Variants in SPATA1 observed in about 807,000 individuals in gnomAD.
The protein encoded by SPATA1 is spermatogenesis-associated protein 1.
In SPATA1, 57 loss-of-function variants were observed where a neutral mutation model predicts 59.6. The observed-to-expected ratio is 0.96, with a 90% confidence interval of 0.77 to 1.19. The LOEUF is 1.19. Ranked by LOEUF, SPATA1 falls within the 50% of genes most tolerant of loss-of-function variation. The pLI, the probability that SPATA1 is intolerant of heterozygous loss-of-function variation, is 0.00. For synonymous variants in SPATA1, 147 were observed against 163.9 expected (o/e 0.90, Z 0.79); for missense variants, 448 against 480.7 (o/e 0.93, Z 0.64).
At chr1:84,524,872 A>T (rs937358529) in intron 4 of SPATA1, among the ~76,000 whole-genome samples, 7 of 152,224 alleles carry the variant, frequency 4.6e-5, no homozygotes, top group Admixed American at 3.3e-4. Flanking sequence ...CCCAAGTAGA[A>T]TATAACCTCC....
intron 6 of SPATA1, among the ~76,000 whole-genome samples, chr1:84,526,620 AT>A (rs1462032131): frequency 6.6e-6 from 1 of 152,172 alleles, no homozygotes; most frequent in East Asian, 1.9e-4. Flanking sequence ...TGTAATAAGC[AT>A]TTTAGGAGGC....
At chr1:84,554,702 A>C, downstream of SPATA1, 1 of 241,930 alleles carries the variant, frequency 4.1e-6, no homozygotes, top group Non-Finnish European at 8.0e-6. Flanking sequence ...TACTATAATG[A>C]AGGGAAATAT....
intron 8 of SPATA1, among the ~76,000 whole-genome samples, chr1:84,539,443 G>T (rs942171915): frequency 6.6e-6 from 1 of 152,194 alleles, no homozygotes; most frequent in African/African-American, 2.4e-5. Flanking sequence ...AGGAATCCAA[G>T]ACATTTCCTG....
At chr1:84,507,066 T>A (rs1570369327) in intron 1 of SPATA1, 1 of 151,996 alleles carries the variant, frequency 6.6e-6, no homozygotes. Context: ...ACCAAAGGAG[T>A]TTTTAGGAGA....
At chr1:84,565,864 G>C (rs373529980) in exon 5 of SPATA1, 1 of 1,566,728 alleles carries the variant, frequency 6.4e-7, no homozygotes, top group African/African-American at 1.4e-5. Flanking sequence ...ATTATAGGGA[G>C]CATTGGCTGC....
intron 8 of SPATA1, among the ~76,000 whole-genome samples, chr1:84,534,239 T>G (rs1208863616): frequency 6.6e-6 from 1 of 152,032 alleles, no homozygotes; most frequent in Admixed American, 6.5e-5. Flanking sequence ...TGAACACTAT[T>G]CACATTACCA....
At chr1:84,548,902 C>G in exon 11 of SPATA1, 1 of 1,607,306 alleles carries the variant, frequency 6.2e-7, no homozygotes, top group Non-Finnish European at 8.5e-7. Context: ...ACTGCTCATG[C>G]AACTTGAAGC....
At position 84,511,676 on chromosome 1, in the gene SPATA1, TTTC is replaced by T. The variant is rs1682562086; in HGVS notation, c.-137-4544_-137-4542del. On this transcript the variant is annotated intron_variant, in intron 1 of 12. Coordinates refer to ENST00000490879, the Ensembl canonical transcript of SPATA1. ...CAGGCTTTTTTTTTTTTTTTCTTTC[TTTC>T]TTTTTTTTTTTTTTTTTTTGAGACA... Among the ~76,000 whole-genome samples the T allele has an allele frequency of 3.1e-5, 4 of 130,336 alleles. 1 individual carries two copies. The highest frequency in any genetic ancestry group is 9.5e-5 in the African/African-American group (3 of 31,566). The allele number at this position is 130,336 out of a possible 152,430, so 85.5% of individuals were successfully genotyped here.
intron 2 of SPATA1, among the ~76,000 whole-genome samples, chr1:84,517,589 A>G (rs1040956743): frequency 1.3e-5 from 2 of 152,098 alleles, no homozygotes; most frequent in Admixed American, 1.3e-4. Flanking sequence ...GGTGATGTCA[A>G]ATCTATCCTT....
intron 2 of SPATA1, among the ~76,000 whole-genome samples, chr1:84,517,365 C>T: frequency 6.6e-6 from 1 of 152,138 alleles, no homozygotes; most frequent in South Asian, 2.1e-4. Flanking sequence ...TCTAGTCTAA[C>T]AGATTTAAAT....
chr1:84,536,137 A>T (rs1327823999), intron 8 of SPATA1, among the ~76,000 whole-genome samples: 1 of 152,256 alleles, frequency 6.6e-6, no homozygotes. Context: ...TTGTTAATTC[A>T]TGCTAGTAGA....
At chr1:84,532,888 C>T in exon 7 of SPATA1, 4 of 1,551,644 alleles carry the variant, frequency 2.6e-6, no homozygotes, top group African/African-American at 1.4e-5. Flanking sequence ...CAGAAAAAAG[C>T]CAAATTGCAA....
At position 84,532,980 on chromosome 1, in the gene SPATA1, T is replaced by C; in HGVS notation, c.659+6T>C. 6.6e-7 allele frequency: 1 copy of C among 1,519,544 alleles called. No individual in the cohort carries two copies. The highest frequency in any genetic ancestry group is 8.9e-7 in the Non-Finnish European group (1 of 1,118,524). The allele number at this position is 1,519,544 out of a possible 1,614,324, so 94.1% of individuals were successfully genotyped here. A position where few individuals can be genotyped will look rare whatever the true frequency, so the allele number is the denominator to read the frequency against. On this transcript the variant is annotated splice_donor_region_variant and intron_variant, in intron 7 of 12. Coordinates refer to ENST00000490879, the Ensembl canonical transcript of SPATA1. ...TGCTTTGGCACTAAAAAAAGGTAAT[T>C]AGTATAGATGCTGATTCCACATGCC...
exon 6 of SPATA1, chr1:84,525,901 T>C (rs751055408): frequency 1.2e-6 from 2 of 1,613,786 alleles, no homozygotes; most frequent in Non-Finnish European, 1.7e-6. Flanking sequence ...GAAATGTTTA[T>C]TCACCATCAA....
At chr1:84,567,064 C>T (rs913182377), downstream of SPATA1, among the ~76,000 whole-genome samples, 3 of 152,120 alleles carry the variant, frequency 2.0e-5, no homozygotes, top group Non-Finnish European at 4.4e-5. Context: ...AGGTTGTTTT[C>T]CCCCCTTAAT....
chr1:84,567,280 ATTTG>A (rs1159444738), downstream of SPATA1, among the ~76,000 whole-genome samples: 2 of 152,330 alleles, frequency 1.3e-5, no homozygotes, highest in African/African-American at 4.8e-5. Flanking sequence ...ATTATTACAT[ATTTG>A]TTCCTATTTT....
At position 84,514,880 on chromosome 1, in the gene SPATA1, A is replaced by G. The variant is rs144806697; in HGVS notation, c.-137-1343A>G. On this transcript the variant is annotated intron_variant, in intron 1 of 12. Transcript: ENST00000490879. ...CAGCTACTTGGGAGGCTGAGGCAGGAGAATCGCTTGAACCTGGGAGGCAGA... is the reference window on the plus strand; with the variant it reads ...CAGCTACTTGGGAGGCTGAGGCAGGGGAATCGCTTGAACCTGGGAGGCAGA... 3.2e-3 allele frequency among the ~76,000 whole-genome samples: 486 copies of G among 152,272 alleles called. 5 individuals are homozygous for G. The highest frequency in any genetic ancestry group is 0.011 in the African/African-American group (466 of 41,564).
At chr1:84,525,079 C>T (rs1025247333) in intron 4 of SPATA1, among the ~76,000 whole-genome samples, 3 of 152,008 alleles carry the variant, frequency 2.0e-5, no homozygotes, top group Admixed American at 6.6e-5. Flanking sequence ...CAGGTTCAAG[C>T]GATTCTCCTG....
At chr1:84,554,995 A>T, downstream of SPATA1, 1 of 1,611,704 alleles carries the variant, frequency 6.2e-7, no homozygotes, top group Non-Finnish European at 8.5e-7. Flanking sequence ...TTGACAAAAG[A>T]TGTTCATCTC....
Sources: gnomAD v4.1 joint callset for allele counts (sites outside exome capture counted in the v4.1 genomes callset) on GRCh38, gnomAD v4.1.1 for gene constraint, MANE v1.5 for transcripts, NCBI Gene and HGNC (gene_info 2026-07-23, HGNC 2026-07-21) for gene names.